Variants in CADM2 observed in about 807,000 individuals in gnomAD.
CADM2 encodes immunoglobulin superfamily member 4D.
A neutral mutation model predicts 49.8 loss-of-function variants in CADM2; 12 were observed. The observed-to-expected ratio is 0.24, with a 90% CI of 0.15 to 0.39. The LOEUF (loss-of-function observed/expected upper bound fraction) is 0.39. Among genes scored for constraint, CADM2 ranks in the 10% least tolerant of loss-of-function variants. CADM2 has a pLI of 1.00. For synonymous variants in CADM2, 214 were observed against 175.4 expected, an observed-to-expected ratio of 1.22 and a Z score of -1.74; for missense variants, 378 against 492.3, an observed-to-expected ratio of 0.77 and a Z score of 2.20.
intron 1 of CADM2, among the ~76,000 whole-genome samples, chr3:85,642,872 A>G (rs984599610): frequency 6.6e-6 from 1 of 152,200 alleles, no homozygotes; most frequent in Middle Eastern, 3.2e-3. Context: ...AACGAATGTG[A>G]AAGACATTTT....
chr3:84,983,291 T>A (rs911162145), intron 1 of CADM2, among the ~76,000 whole-genome samples: 5 of 151,980 alleles, frequency 3.3e-5, no homozygotes, highest in Non-Finnish European at 7.4e-5. Context: ...AATCTGTAAG[T>A]GTTATGCTAA....
At chr3:85,249,099 A>G (rs2042718148) in intron 1 of CADM2, among the ~76,000 whole-genome samples, 1 of 152,098 alleles carries the variant, frequency 6.6e-6, no homozygotes, top group African/African-American at 2.4e-5. Flanking sequence ...TTCCTAAACT[A>G]TATTGTGAGA....
At chr3:85,759,948 T>A (rs562811075) in intron 2 of CADM2, among the ~76,000 whole-genome samples, 1 of 152,104 alleles carries the variant, frequency 6.6e-6, no homozygotes, top group Non-Finnish European at 1.5e-5. Flanking sequence ...GATAAATAAA[T>A]TTATCATGGT....
chr3:85,370,936 AAAATC>A (rs1322046663), intron 1 of CADM2, among the ~76,000 whole-genome samples: 1 of 152,192 alleles, frequency 6.6e-6, no homozygotes, highest in Non-Finnish European at 1.5e-5. Context: ...AAGAGTTTAA[AAAATC>A]AAAACAAAAT....
intron 2 of CADM2, among the ~76,000 whole-genome samples, chr3:85,783,306 T>G (rs1240125166): frequency 6.6e-6 from 1 of 152,222 alleles, no homozygotes; most frequent in Non-Finnish European, 1.5e-5. Context: ...TTAAAATAGC[T>G]TAACAGTCAA....
intron 1 of CADM2, among the ~76,000 whole-genome samples, chr3:85,541,730 ATTT>A (rs1233497787): frequency 4.1e-4 from 47 of 113,950 alleles, no homozygotes; most frequent in African/African-American, 1.8e-3. Flanking sequence ...ATATATATAT[ATTT>A]TATATATATA....
chr3:85,347,207 G>T (rs7637516), intron 1 of CADM2, among the ~76,000 whole-genome samples: 1 of 113,906 alleles, frequency 8.8e-6, no homozygotes, highest in African/African-American at 3.5e-5. Context: ...GGTCAACAGA[G>T]TGACACTCTG....
intron 8 of CADM2, among the ~76,000 whole-genome samples, chr3:86,059,656 C>T (rs1167563838): frequency 1.3e-5 from 2 of 152,114 alleles, no homozygotes; most frequent in African/African-American, 4.8e-5. Context: ...AGACACAGCT[C>T]TCTGTTAAGA....
intron 1 of CADM2, among the ~76,000 whole-genome samples, chr3:85,408,010 C>CAAAAAAAAAAAAAAAAAAAAAAAAAAAAA (rs372349246): frequency 3.6e-5 from 2 of 56,172 alleles, no homozygotes; most frequent in Admixed American, 2.9e-4. Flanking sequence ...AAAACAAAAC[C>CAAAAAAAAAAAAAAAAAAAAAAAAAAAAA]AAAAAAAAAA....
At chr3:85,255,356 G>A (rs375638812) in intron 1 of CADM2, among the ~76,000 whole-genome samples, 1 of 151,988 alleles carries the variant, frequency 6.6e-6, no homozygotes, top group Non-Finnish European at 1.5e-5. Flanking sequence ...ATTTGTTTAA[G>A]TGACAGGTGC....
At chr3:85,597,846 A>G (rs1439202603) in intron 1 of CADM2, among the ~76,000 whole-genome samples, 1 of 152,130 alleles carries the variant, frequency 6.6e-6, no homozygotes, top group East Asian at 1.9e-4. Context: ...CTTAAATAAT[A>G]GTACTTTTCA....
intron 1 of CADM2, among the ~76,000 whole-genome samples, chr3:84,985,544 A>G (rs2032501204): frequency 6.6e-6 from 1 of 151,846 alleles, no homozygotes; most frequent in African/African-American, 2.4e-5. Context: ...ATATTTAATC[A>G]TGGCTTATTA....
chr3:85,251,881 A>G (rs7635695), intron 1 of CADM2, among the ~76,000 whole-genome samples: 102,583 of 151,842 alleles, frequency 0.68, 35,535 homozygotes, highest in African/African-American at 0.82. Flanking sequence ...TTAAACAAAG[A>G]ATTCTCTAAA....
chr3:85,294,665 A>T (rs926444937), intron 1 of CADM2, among the ~76,000 whole-genome samples: 2 of 151,594 alleles, frequency 1.3e-5, no homozygotes, highest in African/African-American at 4.8e-5. Flanking sequence ...TCTTTGACAA[A>T]CCTGAGAAAA....
chr3:85,872,783 A>G (rs1426046557), intron 3 of CADM2, among the ~76,000 whole-genome samples: 3 of 151,350 alleles, frequency 2.0e-5, no homozygotes, highest in African/African-American at 4.8e-5. Flanking sequence ...ATATGCTTAA[A>G]TTTTCCAAAA....
intron 3 of CADM2, among the ~76,000 whole-genome samples, chr3:85,866,012 A>G (rs1464806848): frequency 1.3e-5 from 2 of 152,104 alleles, no homozygotes; most frequent in Non-Finnish European, 2.9e-5. Flanking sequence ...AGGGAGCTGT[A>G]AGAAGAGAAA....
At chr3:85,097,941 G>T (rs2037863522) in intron 1 of CADM2, among the ~76,000 whole-genome samples, 1 of 152,122 alleles carries the variant, frequency 6.6e-6, no homozygotes, top group Admixed American at 6.5e-5. Flanking sequence ...CAATTTAGTG[G>T]AATATAAATT....
At chr3:85,958,540 A>G (rs1324102476) in intron 7 of CADM2, among the ~76,000 whole-genome samples, 1 of 152,000 alleles carries the variant, frequency 6.6e-6, no homozygotes, top group African/African-American at 2.4e-5. Flanking sequence ...CAGCAATCCC[A>G]TTATTGGGTA....
chr3:85,422,820 G>T (rs559452598), intron 1 of CADM2, among the ~76,000 whole-genome samples: 6 of 151,960 alleles, frequency 3.9e-5, no homozygotes, highest in Admixed American at 3.9e-4. Context: ...AGGAGCTGGG[G>T]CGAGCGCTTT....
Sources: gnomAD v4.1 joint callset for allele counts (sites outside exome capture counted in the v4.1 genomes callset) on GRCh38, gnomAD v4.1.1 for gene constraint, MANE v1.5 for transcripts, NCBI Gene and HGNC (gene_info 2026-07-23, HGNC 2026-07-21) for gene names.